The following RYR3 variants were observed in gnomAD, a reference collection of about 807,000 sequenced individuals.
RYR3 encodes the protein ryanodine receptor 3, also known as brain ryanodine receptor-calcium release channel.
A neutral mutation model predicts 584.3 loss-of-function variants in RYR3; 207 were observed. The observed-to-expected ratio is 0.35, with a 90% CI of 0.32 to 0.40. The LOEUF (loss-of-function observed/expected upper bound fraction) is 0.40. Among genes scored for constraint, RYR3 ranks in the 10% least tolerant of loss-of-function variants. The probability of loss-of-function intolerance (pLI) is 1.00; values close to 1 mark genes in which losing one functional copy is unlikely to be tolerated. For missense variants in RYR3, 5,616 were observed against 6,089.2 expected, an observed-to-expected ratio of 0.92 and a Z score of 2.59; for synonymous variants, 2,416 against 2,248.5, an observed-to-expected ratio of 1.07 and a Z score of -2.11.
intron 16 of RYR3, among the ~76,000 whole-genome samples, chr15:33,598,185 C>CAA (rs59290382): frequency 1.2e-4 from 12 of 99,394 alleles, no homozygotes; most frequent in African/African-American, 4.3e-4. Context: ...ATTTTAATTA[C>CAA]AAAAAAAAAA....
chr15:33,810,250 T>C (rs1483242537), intron 70 of RYR3, among the ~76,000 whole-genome samples: 1 of 152,244 alleles, frequency 6.6e-6, no homozygotes, highest in African/African-American at 2.4e-5. Flanking sequence ...TGTTTAGTTA[T>C]GTGGCTCTGT....
chr15:33,643,277 C>T (rs1171780862), intron 27 of RYR3, among the ~76,000 whole-genome samples: 1 of 152,172 alleles, frequency 6.6e-6, no homozygotes, highest in Non-Finnish European at 1.5e-5. Context: ...CAGCCTCCAG[C>T]GGTCCTCCAG....
At chr15:33,749,349 C>G (rs780049377) in intron 55 of RYR3, among the ~76,000 whole-genome samples, 2 of 152,172 alleles carry the variant, frequency 1.3e-5, no homozygotes, top group Non-Finnish European at 1.5e-5. Flanking sequence ...TAAGCTGCTT[C>G]CTCCCGTTGC....
intron 1 of RYR3, among the ~76,000 whole-genome samples, chr15:33,459,531 A>G (rs978644635): frequency 1.3e-5 from 2 of 152,128 alleles, no homozygotes; most frequent in East Asian, 3.9e-4. Context: ...AGGGCTTAAT[A>G]GGTGGCAGAA....
At chr15:33,370,994 T>C (rs2040293730) in intron 1 of RYR3, among the ~76,000 whole-genome samples, 1 of 152,222 alleles carries the variant, frequency 6.6e-6, no homozygotes, top group Non-Finnish European at 1.5e-5. Flanking sequence ...AGAACAACAG[T>C]TTCTGGCACA....
chr15:33,569,338 T>C (rs2057894890), intron 12 of RYR3, among the ~76,000 whole-genome samples: 1 of 152,318 alleles, frequency 6.6e-6, no homozygotes, highest in Non-Finnish European at 1.5e-5. Flanking sequence ...TCATCACTAC[T>C]ATCCATCTCC....
intron 48 of RYR3, among the ~76,000 whole-genome samples, chr15:33,731,951 A>C (rs1478657854): frequency 5.9e-5 from 9 of 152,176 alleles, no homozygotes; most frequent in Admixed American, 5.9e-4. Context: ...ATGGACCAGA[A>C]GACTATTTCA....
intron 18 of RYR3, among the ~76,000 whole-genome samples, chr15:33,612,510 G>A (rs577333280): frequency 2.6e-5 from 4 of 152,192 alleles, no homozygotes; most frequent in South Asian, 4.2e-4. Flanking sequence ...ACAGGCATGC[G>A]CCACCACACC....
At chr15:33,836,807 C>G (rs1001179058) in intron 87 of RYR3, 99 bp from the exon 88 acceptor site, 3 of 850,078 alleles carry the variant, frequency 3.5e-6, no homozygotes, top group African/African-American at 3.3e-5. Context: ...ACTGATGCAG[C>G]CTGCACCTAA....
intron 65 of RYR3, among the ~76,000 whole-genome samples, chr15:33,782,538 T>C (rs1028372716): frequency 2.0e-5 from 3 of 152,166 alleles, no homozygotes; most frequent in Non-Finnish European, 4.4e-5. Flanking sequence ...ACCGTGTATA[T>C]GGCTCTTAAA....
At chr15:33,531,431 A>G (rs1405409110) in intron 4 of RYR3, among the ~76,000 whole-genome samples, 5 of 152,060 alleles carry the variant, frequency 3.3e-5, no homozygotes, top group African/African-American at 7.2e-5. Flanking sequence ...TGCCACTCCA[A>G]TAGTGTATCA....
At chr15:33,555,353 G>T (rs2056998928) in intron 10 of RYR3, among the ~76,000 whole-genome samples, 1 of 152,204 alleles carries the variant, frequency 6.6e-6, no homozygotes, top group Non-Finnish European at 1.5e-5. Context: ...AGGGTATGGA[G>T]CAAAGGAGGG....
At chr15:33,758,586 C>A (rs147937490) in intron 60 of RYR3, among the ~76,000 whole-genome samples, 6 of 152,344 alleles carry the variant, frequency 3.9e-5, no homozygotes, top group African/African-American at 1.4e-4. Flanking sequence ...AGCCAGACTG[C>A]CTTTCTACAT....
At chr15:33,534,893 A>T (rs572096950) in intron 5 of RYR3, among the ~76,000 whole-genome samples, 1 of 152,336 alleles carries the variant, frequency 6.6e-6, no homozygotes, top group Non-Finnish European at 1.5e-5. Flanking sequence ...TTTCTGCTCC[A>T]TTTAGAGGTT....
intron 70 of RYR3, among the ~76,000 whole-genome samples, chr15:33,809,519 G>A (rs1465165182): frequency 6.6e-6 from 1 of 151,820 alleles, no homozygotes; most frequent in South Asian, 2.1e-4. Flanking sequence ...GACCCACCAA[G>A]TGATTTCCCT....
chr15:33,520,735 C>G (rs1406081947), intron 3 of RYR3, among the ~76,000 whole-genome samples: 1 of 145,650 alleles, frequency 6.9e-6, no homozygotes, highest in Admixed American at 6.8e-5. Context: ...TTAGGGTTGC[C>G]ATTTTGGCTC....
intron 1 of RYR3, among the ~76,000 whole-genome samples, chr15:33,469,519 AC>A (rs1202720015): frequency 3.3e-5 from 5 of 151,882 alleles, no homozygotes. Flanking sequence ...TTGCTGTGAT[AC>A]AGGAAAAGGG....
chr15:33,854,009 T>C (rs1047258838), intron 96 of RYR3, among the ~76,000 whole-genome samples: 2 of 151,934 alleles, frequency 1.3e-5, no homozygotes, highest in Middle Eastern at 3.2e-3. Context: ...CTGGCCAACA[T>C]AGTGAAACCC....
chr15:33,322,956 G>A (rs1969174850), intron 1 of RYR3, among the ~76,000 whole-genome samples: 1 of 150,636 alleles, frequency 6.6e-6, no homozygotes, highest in South Asian at 2.1e-4. Context: ...TACAGTCTCT[G>A]ACAAGAGAGT....
Sources: allele counts gnomAD v4.1 joint callset (sites outside exome capture counted in the v4.1 genomes callset), GRCh38; gene constraint gnomAD v4.1.1; transcripts MANE v1.5; gene names NCBI Gene and HGNC (gene_info 2026-07-23, HGNC 2026-07-21).